The following USH1G variants were observed in gnomAD, a reference collection of about 807,000 sequenced individuals.
USH1G encodes USH1 protein network component sans.
A neutral mutation model predicts 31.9 loss-of-function variants in USH1G; 27 were observed. The observed-to-expected ratio is 0.85, with a 90% CI of 0.62 to 1.17. The LOEUF (loss-of-function observed/expected upper bound fraction) is 1.17, where lower values mean the gene tolerates loss of function less well. Among genes scored for constraint, USH1G ranks in the 50% most tolerant of loss-of-function variants. The probability of loss-of-function intolerance (pLI) is 0.00; values close to 1 mark genes in which losing one functional copy is unlikely to be tolerated. For missense variants in USH1G, 674 were observed against 638.9 expected (o/e 1.05, Z -0.59); for synonymous variants, 266 against 283.2 (o/e 0.94, Z 0.61).
Position 74,920,244 on chromosome 17 carries a change from G to A in USH1G, c.592C>T (p.His198Tyr), listed in dbSNP as rs2038923403. 6.2e-7 allele frequency: 1 copy of A among 1,602,368 alleles called. No homozygotes were observed. The highest frequency in any genetic ancestry group is 8.5e-7 in the Non-Finnish European group (1 of 1,179,632). Residue 198 changes from histidine to tyrosine, a missense_variant, in exon 2 of 3, where the codon CAC becomes TAC. Transcript: ENST00000614341. This position sits in a 1 kb window ranked among gnomAD's most constrained non-coding sequence, Gnocchi z 5.2. ...RRLQHLALGS[H>Y]LPYSQATLHG... ...AGCGTGGCCTGAGAGTACGGCAGGT[G>A]GCTGCCCAGCGCCAGATGCTGCAGC...
rs993949629 is a variant in USH1G, at chr17:74,916,844, A to T, written c.*1229T>A. On this transcript the variant is annotated 3_prime_UTR_variant, in exon 3 of 3. Transcript: ENST00000614341. The stretch of plus-strand genomic sequence containing the variant: ...CCCAGTCCCTACCAGACCTGGAGGG[A>T]AACCTACCAAACACCACCCAACGTG... The T allele has an allele frequency of 2.6e-5, 4 of 152,568 alleles. No homozygotes were observed. Among genetic ancestry groups the T allele is most frequent in the African/African-American group, 9.7e-5 (4 of 41,444 alleles). 9.5% of individuals were successfully genotyped at this position (152,568 alleles called of 1,614,324 possible). A position where few individuals can be genotyped will look rare whatever the true frequency, so the allele number is the denominator to read the frequency against.
In USH1G at chr17:74,922,981, A is replaced by G. The variant is rs1308221110; in HGVS notation, c.93T>C (p.Asp31=). Residue 31 remains aspartate, a synonymous_variant, in exon 1 of 3, where the codon GAT becomes GAC. Transcript: ENST00000614341. Reference sequence around the variant, plus strand: ...CAGCCCAGAGAGTGGGGGTCATGCCATCCTCGTCGGGGGCATTCAGCTCCT... The same window carrying G: ...CAGCCCAGAGAGTGGGGGTCATGCCGTCCTCGTCGGGGGCATTCAGCTCCT... ...TRKELNAPDE[D]GMTPTLWAAY... is the part of the protein sequence containing the mutation. The G allele has an allele frequency of 6.4e-7, 1 of 1,560,750 alleles. No individual in the cohort carries two copies. The highest frequency in any genetic ancestry group is 1.7e-4 in the Middle Eastern group (1 of 5,932).
rs759953073 is a variant in USH1G, at chr17:74,920,108, G to T, written c.728C>A (p.Ser243Ter). Residue 243 changes from serine (S) to a stop codon, truncating the protein, a stop_gained, in exon 2 of 3, where the codon TCG becomes TAG. Coordinates refer to ENST00000614341, the MANE Select transcript of USH1G (RefSeq NM_173477.5). LOFTEE classifies it high-confidence loss of function. The surrounding 1 kb of genome is among the most constrained non-coding windows in gnomAD (Gnocchi z 5.2). ...VSEDGRKSAR[S>*]LSGLQLGSDV... is the part of the protein sequence containing the mutation. ...GCTGCCCAGCTGCAGGCCCGAGAGC[G>T]AGCGGGCGCTCTTGCGCCCATCCTC... 6 of 1,603,146 alleles carry T rather than the reference G, an allele frequency of 3.7e-6. No individual in the cohort carries two copies. Among genetic ancestry groups the T allele is most frequent in the South Asian group, 1.1e-5 (1 of 91,032 alleles).
chr17:74,920,404 C>T lies in USH1G; in HGVS notation c.432G>A (p.Glu144=). Residue 144 remains glutamate (E), a synonymous_variant, in exon 2 of 3, where the codon GAG becomes GAA. Coordinates refer to ENST00000614341, the MANE Select transcript of USH1G (RefSeq NM_173477.5). This position sits in a 1 kb window ranked among gnomAD's most constrained non-coding sequence, Gnocchi z 5.2. The part of the protein sequence containing the change: ...KLKDKAFREA[E]RRIRECAKLQ... ...GCTTGGCGCACTCGCGGATGCGCCG[C>T]TCCGCCTCGCGGAAGGCCTTGTCCT... The T allele has an allele frequency of 6.2e-7, 1 of 1,613,388 alleles. No homozygotes were observed. Among genetic ancestry groups the T allele is most frequent in the Non-Finnish European group, 8.5e-7 (1 of 1,180,038 alleles).
Position 74,920,468 on chromosome 17 carries a change from T to G in USH1G, c.368A>C (p.Lys123Thr). 2 of 1,613,794 alleles carry G rather than the reference T, an allele frequency of 1.2e-6. No homozygotes were observed. Among genetic ancestry groups the G allele is most frequent in the Non-Finnish European group, 1.7e-6 (2 of 1,180,046 alleles). The change falls in exon 2 of 3, where the codon AAG (lysine) becomes ACG (threonine). Residue 123 changes from lysine to threonine, a missense_variant. Coordinates refer to ENST00000614341, the MANE Select transcript of USH1G (RefSeq NM_173477.5). This position sits in a 1 kb window ranked among gnomAD's most constrained non-coding sequence, Gnocchi z 5.2. ...CVRYLDSIAA[K>T]QSSLNPKLVG... ...CAGCTTGGGGTTGAGGCTGCTCTGC[T>G]TGGCCGCGATGGAGTCCAGGTAGCG...
chr17:74,917,220 C>G lies in USH1G; in HGVS notation c.*853G>C, dbSNP rs2038879395. The G allele has an allele frequency of 6.6e-6, 1 of 152,414 alleles. No individual in the cohort carries two copies. Among genetic ancestry groups the G allele is most frequent in the African/African-American group, 2.4e-5 (1 of 41,476 alleles). 9.4% of individuals were successfully genotyped at this position (152,414 alleles called of 1,614,324 possible). On this transcript the variant is annotated 3_prime_UTR_variant, in exon 3 of 3. Coordinates refer to ENST00000614341, the MANE Select transcript of USH1G (RefSeq NM_173477.5). ...ACACCCTGTTCTGCCTGTCCCAGGC[C>G]TGGGAGACTGAGGAGGTTGGCGGAC...
chr17:74,917,961 C>A lies in USH1G; in HGVS notation c.*112G>T. 1 of 1,441,844 alleles carries A rather than the reference C, an allele frequency of 6.9e-7. No individual in the cohort carries two copies. Among genetic ancestry groups the A allele is most frequent in the South Asian group, 1.2e-5 (1 of 84,554 alleles). The allele number at this position is 1,441,844 out of a possible 1,614,324, so 89.3% of individuals were successfully genotyped here. ...TTTCAAAGGAGTCGCCCCAACTGGT[C>A]CTTGCTCCTGGGGAAGGGGGCTGCA... On this transcript the variant is annotated 3_prime_UTR_variant, in exon 3 of 3. Transcript: ENST00000614341.
rs1190879589 is a variant in USH1G at position 74,918,168 on chromosome 17, C to T, written c.1383-92G>A. ...AGGGCAGCCATCTGGACAACTTAGCCTCCCCATCTCTCGGCAGGCCAATTG... is the reference window on the plus strand; with the variant it reads ...AGGGCAGCCATCTGGACAACTTAGCTTCCCCATCTCTCGGCAGGCCAATTG... On this transcript the variant is annotated intron_variant, in intron 2 of 2. Transcript: ENST00000614341. The surrounding 1 kb of genome is among the most constrained non-coding windows in gnomAD (Gnocchi z 4.1). The T allele has an allele frequency of 1.8e-5, 28 of 1,549,400 alleles. No homozygotes were observed. The highest frequency in any genetic ancestry group is 3.5e-6 in the Non-Finnish European group (4 of 1,133,816).
chr17:74,918,107 C>G lies in USH1G; in HGVS notation c.1383-31G>C. On this transcript the variant is annotated intron_variant, in intron 2 of 2. Transcript: ENST00000614341. This position sits in a 1 kb window ranked among gnomAD's most constrained non-coding sequence, Gnocchi z 4.1. ...GAGGAAGAGACAGAAAGAAACAGAT[C>G]TCACATGAGGCCCTCCAGAGGCATC... 1 of 1,613,648 alleles carries G rather than the reference C, an allele frequency of 6.2e-7. No individual in the cohort carries two copies. The highest frequency in any genetic ancestry group is 1.1e-5 in the South Asian group (1 of 90,970).
In USH1G at chr17:74,921,100, G is replaced by A. The variant is rs969469697; in HGVS notation, c.165-429C>T. ...GGTGGTGAGTGTGGCTGCGTGTGCCGAGTGACCGTAAAAGAGAACAGACCA... is the reference window on the plus strand; with the variant it reads ...GGTGGTGAGTGTGGCTGCGTGTGCCAAGTGACCGTAAAAGAGAACAGACCA... On this transcript the variant is annotated intron_variant, in intron 1 of 2. Coordinates refer to ENST00000614341, the MANE Select transcript of USH1G (RefSeq NM_173477.5). This position sits in a 1 kb window ranked among gnomAD's most constrained non-coding sequence, Gnocchi z 4.6. Among the ~76,000 whole-genome samples, 6 of 152,098 alleles carry A rather than the reference G, an allele frequency of 3.9e-5. No individual in the cohort carries two copies. The East Asian group carries it at 5.8e-4, about 15-fold the overall frequency.
In USH1G at chr17:74,923,135, G is replaced by A. The variant is rs2038967095; in HGVS notation, c.-62C>T. ...AGAAAGGCCCCCCGCAGGGGAGGGC[G>A]GCGGTATTAGGGCTGAGGCATGAGG... On this transcript the variant is annotated 5_prime_UTR_variant, in exon 1 of 3. Coordinates refer to ENST00000614341, the MANE Select transcript of USH1G (RefSeq NM_173477.5). The surrounding 1 kb of genome is among the most constrained non-coding windows in gnomAD (Gnocchi z 5.3). 2.7e-6 allele frequency: 4 copies of A among 1,485,894 alleles called. No individual in the cohort carries two copies. In the South Asian group the frequency reaches 5.2e-5, roughly 19 times the overall value. 92.0% of individuals were successfully genotyped at this position (1,485,894 alleles called of 1,614,324 possible).
rs1343100042 is a variant in USH1G at position 74,916,536 on chromosome 17, GA to G, written c.*1536del. The G allele has an allele frequency of 6.6e-6, 1 of 152,256 alleles. No homozygotes were observed. Among genetic ancestry groups the G allele is most frequent in the Non-Finnish European group, 1.5e-5 (1 of 68,060 alleles). The allele number at this position is 152,256 out of a possible 1,614,324, so 9.4% of individuals were successfully genotyped here. ...GGGGCTGAGGCCATGCTCCCAGCAG[GA>G]GCTGCTTCCCAAGCTGAGGTCAGGG... On this transcript the variant is annotated 3_prime_UTR_variant, in exon 3 of 3. Transcript: ENST00000614341.
rs1056711106 is a variant in USH1G, at chr17:74,921,786, G to C, written c.165-1115C>G. ...CATGAGCCTCTCTGAAGGGATGGCA[G>C]GGACAGTGTCACTGTGTGCCCTCCT... On this transcript the variant is annotated intron_variant, in intron 1 of 2. Coordinates refer to ENST00000614341, the MANE Select transcript of USH1G (RefSeq NM_173477.5). This position sits in a 1 kb window ranked among gnomAD's most constrained non-coding sequence, Gnocchi z 4.6. Among the ~76,000 whole-genome samples, 4 of 152,182 alleles carry C rather than the reference G, an allele frequency of 2.6e-5. No individual in the cohort carries two copies. Among genetic ancestry groups the C allele is most frequent in the African/African-American group, 9.6e-5 (4 of 41,452 alleles).
rs201967671 is a variant in USH1G, at chr17:74,922,938, C to T, written c.136G>A (p.Glu46Lys). 4.5e-6 allele frequency: 7 copies of T among 1,548,438 alleles called. No individual in the cohort carries two copies. Among genetic ancestry groups the T allele is most frequent in the African/African-American group, 2.7e-5 (2 of 73,104 alleles). Residue 46 changes from glutamate (E) to lysine (K), a missense_variant, in exon 1 of 3, where the codon GAG becomes AAG. Coordinates refer to ENST00000614341, the MANE Select transcript of USH1G (RefSeq NM_173477.5). ...TLWAAYHGNL[E>K]SLRLIVSRGG... is the part of the protein sequence containing the mutation. Reference sequence around the variant, plus strand: ...CGGCTCACAATGAGACGCAGCGACTCGAGGTTGCCATGGTAGGCAGCCCAG... The same window carrying T: ...CGGCTCACAATGAGACGCAGCGACTTGAGGTTGCCATGGTAGGCAGCCCAG...
chr17:74,917,595 G>A lies in USH1G; in HGVS notation c.*478C>T. The A allele has an allele frequency of 5.8e-6, 1 of 173,172 alleles. No individual in the cohort carries two copies. Among genetic ancestry groups the A allele is most frequent in the Admixed American group, 5.5e-5 (1 of 18,030 alleles). 10.7% of individuals were successfully genotyped at this position (173,172 alleles called of 1,614,324 possible). A position where few individuals can be genotyped will look rare whatever the true frequency, so the allele number is the denominator to read the frequency against. On this transcript the variant is annotated 3_prime_UTR_variant, in exon 3 of 3. Coordinates refer to ENST00000614341, the MANE Select transcript of USH1G (RefSeq NM_173477.5). ...AACTTCCCCTCTGGGGTGGACGGGA[G>A]GAGGGGAGGCAGCCCAAACTCTTCC...
rs2038945675 is a variant in USH1G, at chr17:74,921,737, A to AG, written c.165-1067dup. On this transcript the variant is annotated intron_variant, in intron 1 of 2. Coordinates refer to ENST00000614341, the MANE Select transcript of USH1G (RefSeq NM_173477.5). This position sits in a 1 kb window ranked among gnomAD's most constrained non-coding sequence, Gnocchi z 4.6. ...GAGGAGTTGGGGCTTGGTGTACCCA[A>AG]GGGGAGCCCTCTTCCCCTCCTCTCA... Among the ~76,000 whole-genome samples the AG allele has an allele frequency of 6.6e-6, 1 of 152,102 alleles. No individual in the cohort carries two copies. The highest frequency in any genetic ancestry group is 2.1e-4 in the South Asian group (1 of 4,830).
chr17:74,923,203 G>A lies in USH1G; in HGVS notation c.-130C>T. 4 of 803,958 alleles carry A rather than the reference G, an allele frequency of 5.0e-6. No individual in the cohort carries two copies. Among genetic ancestry groups the A allele is most frequent in the Non-Finnish European group, 6.9e-6 (4 of 576,708 alleles). The allele number at this position is 803,958 out of a possible 1,614,324, so 49.8% of individuals were successfully genotyped here. On this transcript the variant is annotated 5_prime_UTR_variant, in exon 1 of 3. Transcript: ENST00000614341. This position sits in a 1 kb window ranked among gnomAD's most constrained non-coding sequence, Gnocchi z 5.3. ...GCAGGGGCCGGGGCCGCCAGCCCCC[G>A]CTGCCGCAGACGGAGGGTGCGGAGC...
rs146287064 is a variant in USH1G at position 74,919,657 on chromosome 17, C to A, written c.1179G>T (p.Glu393Asp). The A allele has an allele frequency of 9.3e-6, 15 of 1,612,722 alleles. No homozygotes were observed. The highest frequency in any genetic ancestry group is 1.3e-5 in the Non-Finnish European group (15 of 1,180,040). The change falls in exon 2 of 3, where the codon GAG (glutamate) becomes GAT (aspartate). Residue 393 changes from glutamate (E) to aspartate (D), a missense_variant. Physicochemically the swap from Glu to Asp is conservative, Grantham distance 45 (BLOSUM62 2). Transcript: ENST00000614341. This position sits in a 1 kb window ranked among gnomAD's most constrained non-coding sequence, Gnocchi z 4.5. ...EDLEPETSPLETFLASLHMED... is the reference protein window; with the variant it reads ...EDLEPETSPLDTFLASLHMED... Reference sequence around the variant, plus strand: ...CCATGTGCAGAGAGGCCAGGAAGGTCTCCAGCGGGCTAGTCTCGGGCTCCA... The same window carrying A: ...CCATGTGCAGAGAGGCCAGGAAGGTATCCAGCGGGCTAGTCTCGGGCTCCA...
In USH1G at chr17:74,919,832, C is replaced by T; in HGVS notation, c.1004G>A (p.Gly335Asp). The change falls in exon 2 of 3, where the codon GGT becomes GAT. Residue 335 changes from glycine to aspartate, a missense_variant. Coordinates refer to ENST00000614341, the MANE Select transcript of USH1G (RefSeq NM_173477.5). This position sits in a 1 kb window ranked among gnomAD's most constrained non-coding sequence, Gnocchi z 4.5. ...CCGCGGCGCTCCCACCCCATCCAGA[C>T]CCCCATCCTCGCGGCCCAGTCCGTG... Reference protein sequence around the residue: ...GLHGLGREDGGLDGVGAPRGR... With the variant: ...GLHGLGREDGDLDGVGAPRGR... 1.2e-6 allele frequency: 2 copies of T among 1,613,040 alleles called. No homozygotes were observed. Among genetic ancestry groups the T allele is most frequent in the Non-Finnish European group, 1.7e-6 (2 of 1,179,954 alleles).
Sources: gnomAD v4.1 joint callset for allele counts (sites outside exome capture counted in the v4.1 genomes callset) on GRCh38, gnomAD v4.1.1 for gene constraint, Gnocchi (gnomAD v3.1) non-coding constraint, MANE v1.5 for transcripts, NCBI Gene and HGNC (gene_info 2026-07-23, HGNC 2026-07-21) for gene names.